TMPRSS15: variants seen among roughly 807,000 people sequenced by gnomAD.
The protein encoded by TMPRSS15 is transmembrane serine protease 15, also known as enteropeptidase.
A neutral mutation model predicts 125.3 loss-of-function variants in TMPRSS15; 128 were observed. That is an observed-to-expected ratio of 1.02 (90% CI 0.89 to 1.18). The LOEUF is 1.18. Ranked by LOEUF, TMPRSS15 falls within the 50% of genes most tolerant of loss-of-function variation. The pLI, the probability that TMPRSS15 is intolerant of heterozygous loss-of-function variation, is 0.00. For missense variants in TMPRSS15, 1,283 were observed against 1,212.7 expected (o/e 1.06, Z -0.86); for synonymous variants, 446 against 423.2 (o/e 1.05, Z -0.66).
chr21:18,474,710 C>T (rs777376468), intron 1 of TMPRSS15, among the ~76,000 whole-genome samples: 1 of 152,164 alleles, frequency 6.6e-6, no homozygotes, highest in Non-Finnish European at 1.5e-5. Context: ...CTGAGAAGAT[C>T]AGAACAAACA....
chr21:18,374,883 C>G (rs1226618870), intron 5 of TMPRSS15, among the ~76,000 whole-genome samples: 1 of 152,056 alleles, frequency 6.6e-6, no homozygotes, highest in African/African-American at 2.4e-5. Context: ...ACGTTTGCTT[C>G]TGAACAAGAT....
At chr21:18,411,997 G>T (rs1360923189) in intron 1 of TMPRSS15, among the ~76,000 whole-genome samples, 1 of 151,950 alleles carries the variant, frequency 6.6e-6, no homozygotes. Context: ...CATCCTACTT[G>T]GTTAGTAGGA....
intron 18 of TMPRSS15, among the ~76,000 whole-genome samples, chr21:18,310,944 T>C (rs1183194659): frequency 6.9e-6 from 1 of 145,744 alleles, no homozygotes; most frequent in Non-Finnish European, 1.5e-5. Flanking sequence ...TTTTTTTTTT[T>C]TTTTTTTTTT....
chr21:18,325,285 T>C (rs2075277717), intron 16 of TMPRSS15, among the ~76,000 whole-genome samples: 1 of 152,082 alleles, frequency 6.6e-6, no homozygotes, highest in Non-Finnish European at 1.5e-5. Flanking sequence ...GTAAACAGAT[T>C]GGCTTCTAAA....
At chr21:18,484,344 C>T (rs17002664) in intron 1 of TMPRSS15, among the ~76,000 whole-genome samples, 7,109 of 151,784 alleles carry the variant, frequency 0.047, 395 homozygotes, top group African/African-American at 0.14. Context: ...TTGTATTAGG[C>T]CATGTTCTGG....
At chr21:18,279,147 A>G (rs976237664) in intron 22 of TMPRSS15, 88 bp from the exon 23 acceptor site, 26 of 746,040 alleles carry the variant, frequency 3.5e-5, no homozygotes, top group Non-Finnish European at 5.3e-5. Flanking sequence ...TTAAAAATCA[A>G]TAACAGTTAA....
At chr21:18,314,147 G>C (rs2146938616) in intron 17 of TMPRSS15, among the ~76,000 whole-genome samples, 1 of 152,142 alleles carries the variant, frequency 6.6e-6, no homozygotes, top group East Asian at 1.9e-4. Flanking sequence ...TATGACAAGA[G>C]CTAAGAGCAG....
chr21:18,477,584 G>A (rs1170962594), intron 1 of TMPRSS15: 3 of 152,022 alleles, frequency 2.0e-5, no homozygotes, highest in African/African-American at 4.8e-5. Context: ...GTCATGTAGG[G>A]TCTTATTAAG....
chr21:18,318,683 A>G (rs915717211), intron 16 of TMPRSS15, among the ~76,000 whole-genome samples: 1 of 152,250 alleles, frequency 6.6e-6, no homozygotes, highest in South Asian at 2.1e-4. Flanking sequence ...CACCGGAAGT[A>G]ACTGAAAAAG....
At chr21:18,328,398 T>G (rs1341374761) in intron 15 of TMPRSS15, among the ~76,000 whole-genome samples, 1 of 152,228 alleles carries the variant, frequency 6.6e-6, no homozygotes, top group African/African-American at 2.4e-5. Context: ...TAACACAATT[T>G]GAATAGTTTG....
chr21:18,372,831 T>A (rs1027049080), intron 5 of TMPRSS15, among the ~76,000 whole-genome samples: 1 of 152,190 alleles, frequency 6.6e-6, no homozygotes, highest in Non-Finnish European at 1.5e-5. Flanking sequence ...TCCGAAAAAC[T>A]TGCACCTCTC....
At chr21:18,389,209 G>GA (rs201303423) in intron 3 of TMPRSS15, among the ~76,000 whole-genome samples, 1 of 148,220 alleles carries the variant, frequency 6.7e-6, no homozygotes. Flanking sequence ...AGAAAGAAAA[G>GA]AAAAAAAGAA....
At chr21:18,405,080 A>T (rs1012040612), upstream of TMPRSS15, among the ~76,000 whole-genome samples, 28 of 152,124 alleles carry the variant, frequency 1.8e-4, no homozygotes, top group Non-Finnish European at 2.8e-4. Context: ...AAGCACAATG[A>T]CTGTTTTCTT....
chr21:18,270,067 C>T lies in TMPRSS15; in HGVS notation c.2962G>A (p.Val988Met), dbSNP rs764848195. The change falls in exon 25 of 25, where the codon GTG (valine) becomes ATG (methionine). Residue 988 changes from valine (V) to methionine (M), a missense_variant. Physicochemically the swap from Val to Met is conservative, Grantham distance 21 (BLOSUM62 1). Transcript: ENST00000284885. ...QENNRWFLAG[V>M]TSFGYKCALP... ...GCACACTTGTATCCAAATGAGGTCA[C>T]ACCAGCAAGGAACCACCTGTTGTTT... 2 of 1,614,008 alleles carry T rather than the reference C, an allele frequency of 1.2e-6. No homozygotes were observed. Among genetic ancestry groups the T allele is most frequent in the Non-Finnish European group, 8.5e-7 (1 of 1,179,916 alleles).
intron 1 of TMPRSS15, among the ~76,000 whole-genome samples, chr21:18,427,329 C>T (rs1486862977): frequency 6.6e-6 from 1 of 151,340 alleles, no homozygotes; most frequent in Non-Finnish European, 1.5e-5. Flanking sequence ...CAGTCTAACC[C>T]TCTAAGCCAC....
intron 17 of TMPRSS15, among the ~76,000 whole-genome samples, chr21:18,314,361 C>G (rs1298073138): frequency 6.6e-6 from 1 of 152,164 alleles, no homozygotes; most frequent in Non-Finnish European, 1.5e-5. Context: ...TCACTGCAAC[C>G]TCCGCCTCCC....
At chr21:18,282,316 C>A (rs2146874643) in intron 21 of TMPRSS15, among the ~76,000 whole-genome samples, 1 of 152,176 alleles carries the variant, frequency 6.6e-6, no homozygotes, top group African/African-American at 2.4e-5. Flanking sequence ...CCTGCGATTT[C>A]TTCACACAAA....
intron 1 of TMPRSS15, among the ~76,000 whole-genome samples, chr21:18,463,246 C>CAAAAAAAAAAAAAAAAAAAAAAAAAAA (rs57033426): frequency 8.7e-5 from 1 of 11,518 alleles, no homozygotes; most frequent in Non-Finnish European, 1.7e-4. Context: ...AAATGGAAAG[C>CAAAAAAAAAAAAAAAAAAAAAAAAAAA]AAAAAAAAAA....
At chr21:18,396,444 T>G (rs2076036815) in intron 3 of TMPRSS15, among the ~76,000 whole-genome samples, 1 of 152,074 alleles carries the variant, frequency 6.6e-6, no homozygotes, top group African/African-American at 2.4e-5. Context: ...AATAATTGCA[T>G]CTCCCTCACA....
Sources: allele counts gnomAD v4.1 joint callset (sites outside exome capture counted in the v4.1 genomes callset), GRCh38; gene constraint gnomAD v4.1.1; transcripts MANE v1.5; gene names NCBI Gene and HGNC (gene_info 2026-07-23, HGNC 2026-07-21).